The following TGFBR1 variants were observed in gnomAD, a reference collection of about 807,000 sequenced individuals.
TGFBR1 encodes the protein TGF-beta receptor type-1.
TGFBR1 carries 20 observed loss-of-function variants against 55.1 expected under a neutral mutation model. The ratio of observed to expected loss-of-function variants is 0.36; its 90% CI spans 0.26 to 0.53. The LOEUF is 0.53. Ranked by LOEUF, TGFBR1 falls within the 20% of genes least tolerant of loss-of-function variation. The pLI is 0.91. For missense variants in TGFBR1, 385 were observed against 617.6 expected (o/e 0.62, Z 3.99); for synonymous variants, 220 against 214.8 (o/e 1.02, Z -0.21).
intron 1 of TGFBR1, among the ~76,000 whole-genome samples, chr9:99,118,103 T>C (rs1376042774): frequency 6.6e-6 from 1 of 152,214 alleles, no homozygotes; most frequent in African/African-American, 2.4e-5. Flanking sequence ...TTTTAGATTT[T>C]TAAAAAACGT....
chr9:99,142,841 C>G (rs1488045271), intron 5 of TGFBR1, 138 bp downstream of exon 5: 1 of 932,794 alleles, frequency 1.1e-6, no homozygotes, highest in Admixed American at 2.0e-5. Context: ...GGCAGATCGC[C>G]CGATCTCAGG....
At chr9:99,109,170 C>T (rs1416003838) in intron 1 of TGFBR1, among the ~76,000 whole-genome samples, 1 of 151,948 alleles carries the variant, frequency 6.6e-6, no homozygotes, top group Non-Finnish European at 1.5e-5. Flanking sequence ...AAAGTGAATT[C>T]TAAAGGTGGA....
intron 1 of TGFBR1, chr9:99,127,804 C>G (rs1827082211): frequency 1.5e-5 from 6 of 399,118 alleles, no homozygotes; most frequent in Non-Finnish European, 2.5e-5. Flanking sequence ...AAGAACATGT[C>G]TGTGCTTTGC....
At chr9:99,128,114 G>T (rs1827092449) in intron 1 of TGFBR1, 1 of 423,830 alleles carries the variant, frequency 2.4e-6, no homozygotes, top group Non-Finnish European at 4.7e-6. Flanking sequence ...CCCTAAAGAG[G>T]TCACTCCTGG....
At chr9:99,127,450 G>T in intron 1 of TGFBR1, among the ~76,000 whole-genome samples, 1 of 152,120 alleles carries the variant, frequency 6.6e-6, no homozygotes, top group East Asian at 1.9e-4. Context: ...GACAAAATTG[G>T]TACCATGTGA....
chr9:99,133,238 G>A (rs892965437), intron 3 of TGFBR1, among the ~76,000 whole-genome samples: 3 of 152,080 alleles, frequency 2.0e-5, no homozygotes, highest in African/African-American at 7.2e-5. Flanking sequence ...GTATAGGCCT[G>A]GTTTTTTAAA....
intron 6 of TGFBR1, among the ~76,000 whole-genome samples, chr9:99,146,133 AT>A (rs1827788792): frequency 6.6e-6 from 1 of 152,030 alleles, no homozygotes; most frequent in Non-Finnish European, 1.5e-5. Context: ...CCTTCCTTTC[AT>A]CCTCAGTGAG....
rs11466469 is a variant in TGFBR1 at position 99,145,188 on chromosome 9, C to T, written c.1130+300C>T. ...TGCCAATCGTCTAATAGGTCTTTTA[C>T]GTATATTACCTCATTTAATCCCTTC... On this transcript the variant is annotated intron_variant, in intron 6 of 8. Coordinates refer to ENST00000374994, the MANE Select transcript of TGFBR1 (RefSeq NM_004612.4). Among the ~76,000 whole-genome samples the T allele has an allele frequency of 2.2e-3, 338 of 152,284 alleles. 1 individual carries two copies. Among genetic ancestry groups the T allele is most frequent in the African/African-American group, 7.7e-3 (321 of 41,558 alleles).
intron 1 of TGFBR1, chr9:99,128,034 C>G (rs753583811): frequency 2.2e-6 from 1 of 455,768 alleles, no homozygotes; most frequent in Non-Finnish European, 4.4e-6. Flanking sequence ...GAGCACTTAA[C>G]TTCATCAGAG....
intron 3 of TGFBR1, among the ~76,000 whole-genome samples, chr9:99,133,970 C>G (rs183589506): frequency 1.4e-5 from 2 of 146,896 alleles, no homozygotes; most frequent in Admixed American, 6.8e-5. Context: ...CACCACTGCA[C>G]TCCAGCCTGG....
intron 1 of TGFBR1, among the ~76,000 whole-genome samples, chr9:99,126,128 A>G (rs1218920018): frequency 6.6e-6 from 1 of 152,228 alleles, no homozygotes; most frequent in Non-Finnish European, 1.5e-5. Context: ...AGATAAGAAG[A>G]TAGGTTTAAA....
chr9:99,146,122 C>T (rs867105977), intron 6 of TGFBR1, among the ~76,000 whole-genome samples: 6 of 152,020 alleles, frequency 3.9e-5, no homozygotes, highest in South Asian at 4.2e-4. Context: ...TATATTCGTG[C>T]CCTTCCTTTC....
Position 99,117,843 on chromosome 9 carries a change from C to T in TGFBR1, c.98-11012C>T, listed in dbSNP as rs150731886. 1.7e-3 allele frequency among the ~76,000 whole-genome samples: 254 copies of T among 152,274 alleles called. 1 individual carries two copies. Among genetic ancestry groups the T allele is most frequent in the African/African-American group, 5.9e-3 (244 of 41,562 alleles). ...CATATAAATTTCAGAATCAACTTGT[C>T]AGTTCCCACTGAATAAAAAAACCCT... is the stretch of plus-strand genomic sequence containing the variant. On this transcript the variant is annotated intron_variant, in intron 1 of 8. Coordinates refer to ENST00000374994, the MANE Select transcript of TGFBR1 (RefSeq NM_004612.4).
chr9:99,123,080 A>G (rs1005933788), intron 1 of TGFBR1, among the ~76,000 whole-genome samples: 1 of 152,116 alleles, frequency 6.6e-6, no homozygotes, highest in African/African-American at 2.4e-5. Flanking sequence ...CTCATTATGT[A>G]TATGCAAATA....
chr9:99,112,909 G>A (rs1448610373), intron 1 of TGFBR1, among the ~76,000 whole-genome samples: 1 of 148,824 alleles, frequency 6.7e-6, no homozygotes, highest in Admixed American at 6.7e-5. Context: ...CTAGCATCTA[G>A]CATTCACCTC....
At chr9:99,121,131 A>G (rs184068354) in intron 1 of TGFBR1, among the ~76,000 whole-genome samples, 1 of 152,326 alleles carries the variant, frequency 6.6e-6, no homozygotes, top group Non-Finnish European at 1.5e-5. Context: ...AAGTAAATGG[A>G]ATTTATCTGG....
intron 1 of TGFBR1, chr9:99,127,969 C>T (rs1223933561): frequency 2.2e-6 from 1 of 455,984 alleles, no homozygotes; most frequent in Non-Finnish European, 4.4e-6. Context: ...TTTACAGTTT[C>T]ATAGGAGAAA....
intron 3 of TGFBR1, among the ~76,000 whole-genome samples, chr9:99,133,602 A>G (rs1048149133): frequency 1.3e-5 from 2 of 152,222 alleles, no homozygotes; most frequent in African/African-American, 4.8e-5. Flanking sequence ...GATTGGCTGT[A>G]TAACCTTGGT....
chr9:99,149,208 G>A lies in TGFBR1; in HGVS notation c.1415G>A (p.Arg472Lys), dbSNP rs1554702716. The change falls in exon 9 of 9, where the codon AGA becomes AAA. Residue 472 changes from arginine (R) to lysine (K), a missense_variant. Around this residue, in one of 5 missense-constraint regions of TGFBR1, gnomAD observed 110 missense variants for 154.6 expected, o/e 0.71. Transcript: ENST00000374994. ...TTGAGAGTAATGGCTAAAATTATGA[G>A]AGAATGTTGGTATGCCAATGGAGCA... ...EALRVMAKIMRECWYANGAAR... is the reference protein window; with the variant it reads ...EALRVMAKIMKECWYANGAAR... 6.2e-7 allele frequency: 1 copy of A among 1,612,982 alleles called. No homozygotes were observed. Among genetic ancestry groups the A allele is most frequent in the African/African-American group, 1.3e-5 (1 of 74,924 alleles).
Sources: gnomAD v4.1 joint callset for allele counts (sites outside exome capture counted in the v4.1 genomes callset) on GRCh38, gnomAD v4.1.1 for gene constraint, gnomAD v4.1.1 regional missense constraint, MANE v1.5 for transcripts, NCBI Gene and HGNC (gene_info 2026-07-23, HGNC 2026-07-21) for gene names.